Variants in PFKFB4 observed in about 807,000 individuals in gnomAD.
PFKFB4 encodes the protein 6-phosphofructo-2-kinase/fructose-2,6-bisphosphatase 4.
In PFKFB4, 42 loss-of-function variants were observed where a neutral mutation model predicts 62.8. That is an observed-to-expected ratio of 0.67 (90% CI 0.52 to 0.86). PFKFB4 has a LOEUF of 0.86. Ranked by LOEUF, PFKFB4 falls within the 40% of genes least tolerant of loss-of-function variation. The probability of loss-of-function intolerance (pLI) is 0.00; values close to 1 mark genes in which losing one functional copy is unlikely to be tolerated. For missense variants in PFKFB4, 475 were observed against 627.2 expected (o/e 0.76, Z 2.59); for synonymous variants, 204 against 240.7 (o/e 0.85, Z 1.41).
At chr3:48,558,781 G>C (rs750207052), upstream of PFKFB4, among the ~76,000 whole-genome samples, 15 of 152,208 alleles carry the variant, frequency 9.9e-5, no homozygotes, top group Non-Finnish European at 1.9e-4. Flanking sequence ...GCAGATCTGA[G>C]CACATCCATG....
At position 48,540,102 on chromosome 3, in the gene PFKFB4, C is replaced by T. The variant is rs372816279; in HGVS notation, c.379-331G>A. Among the ~76,000 whole-genome samples the T allele has an allele frequency of 3.9e-5, 6 of 152,360 alleles. No homozygotes were observed. In the East Asian group the frequency reaches 1.2e-3, roughly 29 times the overall value. On this transcript the variant is annotated intron_variant, in intron 4 of 13. Transcript: ENST00000232375. ...GGGCACTCAGTTTGTGTTTGACCAACAGGAATTGCAGTGAAACCAGTTAAA... is the reference window on the plus strand; with the variant it reads ...GGGCACTCAGTTTGTGTTTGACCAATAGGAATTGCAGTGAAACCAGTTAAA...
chr3:48,559,856 G>T, upstream of PFKFB4: 1 of 329,134 alleles, frequency 3.0e-6, no homozygotes, highest in Non-Finnish European at 6.0e-6. Flanking sequence ...CCCAGTCCCT[G>T]TATCTACTGG....
chr3:48,530,337 A>C (rs2042392803), intron 9 of PFKFB4, among the ~76,000 whole-genome samples: 1 of 152,198 alleles, frequency 6.6e-6, no homozygotes, highest in Non-Finnish European at 1.5e-5. Flanking sequence ...AACAGAGCAA[A>C]AAGGAAATGA....
intron 4 of PFKFB4, among the ~76,000 whole-genome samples, chr3:48,542,064 A>G (rs1395278589): frequency 6.6e-6 from 1 of 152,178 alleles, no homozygotes; most frequent in East Asian, 1.9e-4. Flanking sequence ...ATAAAGAGAA[A>G]GGCTGGGCGT....
At chr3:48,553,243 G>A (rs2043210452) in intron 1 of PFKFB4, among the ~76,000 whole-genome samples, 1 of 152,220 alleles carries the variant, frequency 6.6e-6, no homozygotes, top group Admixed American at 6.5e-5. Flanking sequence ...GGAGGCCGAG[G>A]CAGGCAGATC....
At chr3:48,561,367 G>A (rs759303972), upstream of PFKFB4, among the ~76,000 whole-genome samples, 16 of 152,370 alleles carry the variant, frequency 1.1e-4, no homozygotes, top group Non-Finnish European at 1.9e-4. The surrounding 1 kb of genome is among the most constrained non-coding windows in gnomAD (Gnocchi z 5.2). Flanking sequence ...GCCACCCAGC[G>A]TCTGCCTTCA....
Position 48,556,627 on chromosome 3 carries a change from C to A in PFKFB4, c.97+54G>T. On this transcript the variant is annotated intron_variant, in intron 1 of 13. Coordinates refer to ENST00000232375, the MANE Select transcript of PFKFB4 (RefSeq NM_004567.4). This position sits in a 1 kb window ranked among gnomAD's most constrained non-coding sequence, Gnocchi z 5.7. ...ATGCGAGACCCCCGCCCAGGCCGCC[C>A]TACCCACCCATCCCGGTGCACCTCC... The A allele has an allele frequency of 6.5e-7, 1 of 1,548,308 alleles. No individual in the cohort carries two copies. Among genetic ancestry groups the A allele is most frequent in the Non-Finnish European group, 8.8e-7 (1 of 1,138,128 alleles).
intron 1 of PFKFB4, chr3:48,555,946 C>A (rs1041795869): frequency 2.9e-6 from 1 of 339,694 alleles, no homozygotes; most frequent in Non-Finnish European, 5.9e-6. Context: ...TAAGGACAGG[C>A]AGAAACTCAA....
intron 1 of PFKFB4, among the ~76,000 whole-genome samples, chr3:48,554,794 G>A (rs913085173): frequency 1.3e-5 from 2 of 152,182 alleles, no homozygotes; most frequent in African/African-American, 4.8e-5. Context: ...GCTCATGCCT[G>A]TAATCCCAAC....
Position 48,538,549 on chromosome 3 carries a change from C to T in PFKFB4, c.581G>A (p.Arg194His), listed in dbSNP as rs776332395. 5 of 1,614,002 alleles carry T rather than the reference C, an allele frequency of 3.1e-6. No homozygotes were observed. The highest frequency in any genetic ancestry group is 1.3e-5 in the African/African-American group (1 of 74,924). Residue 194 changes from arginine to histidine, a missense_variant, in exon 7 of 14, where the codon CGC becomes CAC. By Grantham distance (29) the Arg-to-His change is conservative. Transcript: ENST00000232375. The stretch of plus-strand genomic sequence containing the variant: ...GTAGGAGTTCTCATAGCACTCAATG[C>T]GCCTCATGAAGTCCTCCGTAGCCTC... ...SDEATEDFMR[R>H]IECYENSYES...
At chr3:48,549,766 C>T (rs1355131032) in intron 3 of PFKFB4, 98 bp downstream of exon 3, 5 of 799,280 alleles carry the variant, frequency 6.3e-6, no homozygotes, top group Admixed American at 3.6e-5. Flanking sequence ...AGCAGCTCCA[C>T]TCCAGGGGCT....
intron 7 of PFKFB4, 178 bp from the exon 8 acceptor site, chr3:48,536,641 G>A (rs139336849): frequency 1.4e-4 from 80 of 586,672 alleles, no homozygotes; most frequent in Non-Finnish European, 2.0e-4. Flanking sequence ...GCAACACAGT[G>A]CGTGTGACGC....
At chr3:48,527,028 G>T (rs2042284397) in intron 9 of PFKFB4, among the ~76,000 whole-genome samples, 1 of 152,132 alleles carries the variant, frequency 6.6e-6, no homozygotes, top group South Asian at 2.1e-4. Context: ...GACAGAGGTG[G>T]GATTGGAGTG....
At chr3:48,555,711 C>T (rs2043292268) in intron 1 of PFKFB4, among the ~76,000 whole-genome samples, 1 of 151,378 alleles carries the variant, frequency 6.6e-6, no homozygotes, top group Admixed American at 6.6e-5. Flanking sequence ...GCCCAGACAA[C>T]ATAGCAAGAC....
intron 1 of PFKFB4, among the ~76,000 whole-genome samples, chr3:48,554,916 G>A (rs977889152): frequency 1.3e-5 from 2 of 152,058 alleles, no homozygotes; most frequent in Non-Finnish European, 2.9e-5. Context: ...CGGCCATGGT[G>A]GCGCATACCT....
At chr3:48,544,638 G>A (rs2042907570) in intron 3 of PFKFB4, among the ~76,000 whole-genome samples, 1 of 151,692 alleles carries the variant, frequency 6.6e-6, no homozygotes, top group South Asian at 2.1e-4. Context: ...TTAGAGATGG[G>A]GTCTTGCTAT....
intron 13 of PFKFB4, 22 bp from the exon 14 acceptor site, chr3:48,519,828 C>T (rs1378719810): frequency 5.6e-6 from 9 of 1,605,142 alleles, no homozygotes; most frequent in East Asian, 2.2e-5. Flanking sequence ...AAACACAGAG[C>T]GTTCACTCCA....
chr3:48,519,214 T>C lies in PFKFB4; in HGVS notation c.*533A>G, dbSNP rs1190074911. On this transcript the variant is annotated 3_prime_UTR_variant, in exon 14 of 14. Transcript: ENST00000232375. Reference sequence around the variant, plus strand: ...CTGCTGTGGTTGGGGCTCTAGTTCCTGGTGGGTAAGGATGGGAAGGGCTCT... The same window carrying C: ...CTGCTGTGGTTGGGGCTCTAGTTCCCGGTGGGTAAGGATGGGAAGGGCTCT... The C allele has an allele frequency of 1.3e-5, 2 of 152,584 alleles. No individual in the cohort carries two copies. The highest frequency in any genetic ancestry group is 2.9e-5 in the Non-Finnish European group (2 of 68,368). The allele number at this position is 152,584 out of a possible 1,614,324, so 9.5% of individuals were successfully genotyped here. A position where few individuals can be genotyped will look rare whatever the true frequency, so the allele number is the denominator to read the frequency against.
rs375815596 is a variant in PFKFB4 at position 48,556,298 on chromosome 3, G to A, written c.97+383C>T. On this transcript the variant is annotated intron_variant, in intron 1 of 13. Coordinates refer to ENST00000232375, the MANE Select transcript of PFKFB4 (RefSeq NM_004567.4). The surrounding 1 kb of genome is among the most constrained non-coding windows in gnomAD (Gnocchi z 5.7). ...CAGCTCAGTTCCAGTCCAACAACCCGGCCCACACTCCTTGGCCAGGAGAGA... is the reference window on the plus strand; with the variant it reads ...CAGCTCAGTTCCAGTCCAACAACCCAGCCCACACTCCTTGGCCAGGAGAGA... The A allele has an allele frequency of 1.2e-4, 59 of 500,340 alleles. No individual in the cohort carries two copies. In the Middle Eastern group the frequency reaches 1.9e-3, roughly 16 times the overall value. The allele number at this position is 500,340 out of a possible 1,614,324, so 31.0% of individuals were successfully genotyped here.
Sources: allele counts gnomAD v4.1 joint callset (sites outside exome capture counted in the v4.1 genomes callset), GRCh38; gene constraint gnomAD v4.1.1; non-coding constraint Gnocchi (gnomAD v3.1); transcripts MANE v1.5; gene names NCBI Gene and HGNC (gene_info 2026-07-23, HGNC 2026-07-21).